EBAG9: variants seen among roughly 807,000 people sequenced by gnomAD.
The protein encoded by EBAG9 is estrogen receptor binding site associated antigen 9, also known as receptor-binding cancer antigen expressed on SiSo cells.
A neutral mutation model predicts 30.9 loss-of-function variants in EBAG9; 16 were observed. That is an observed-to-expected ratio of 0.52 (90% CI 0.35 to 0.79). The LOEUF (loss-of-function observed/expected upper bound fraction) is 0.79, where lower values mean the gene tolerates loss of function less well. EBAG9 is among the 30% of genes least tolerant of loss of function. The pLI is 0.01. For synonymous variants in EBAG9, 93 were observed against 82.8 expected, an observed-to-expected ratio of 1.12 and a Z score of -0.67; for missense variants, 197 against 242.1, an observed-to-expected ratio of 0.81 and a Z score of 1.24.
intron 6 of EBAG9, among the ~76,000 whole-genome samples, chr8:109,562,626 T>C (rs1164891393): frequency 6.6e-6 from 1 of 151,868 alleles, no homozygotes; most frequent in Non-Finnish European, 1.5e-5. Flanking sequence ...CCAGCATGAA[T>C]CTGGATAGGT....
chr8:109,552,026 A>T (rs545742152), intron 2 of EBAG9, among the ~76,000 whole-genome samples: 11 of 152,266 alleles, frequency 7.2e-5, no homozygotes, highest in African/African-American at 2.6e-4. Context: ...AGTTACTTAC[A>T]TACTAAGAGG....
intron 2 of EBAG9, among the ~76,000 whole-genome samples, chr8:109,552,664 C>G (rs1821517242): frequency 6.6e-6 from 1 of 152,022 alleles, no homozygotes; most frequent in African/African-American, 2.4e-5. Flanking sequence ...AAGGACATTC[C>G]TATTGGCACT....
chr8:109,549,348 GTTTTC>G (rs1254285652), intron 1 of EBAG9, among the ~76,000 whole-genome samples: 1 of 151,804 alleles, frequency 6.6e-6, no homozygotes, highest in African/African-American at 2.4e-5. Context: ...AATATTAATA[GTTTTC>G]TTTTCTAGTA....
upstream of EBAG9, chr8:109,539,750 A>T (rs1821230545): frequency 6.6e-6 from 1 of 152,268 alleles, no homozygotes; most frequent in African/African-American, 2.4e-5. Flanking sequence ...GAGGCAACGC[A>T]GGCTGCTACG....
At chr8:109,546,715 C>T (rs571932466) in intron 1 of EBAG9, among the ~76,000 whole-genome samples, 1 of 152,008 alleles carries the variant, frequency 6.6e-6, no homozygotes, top group Non-Finnish European at 1.5e-5. Context: ...CAGTGTGGCC[C>T]AGGGAAGCCA....
chr8:109,554,602 G>C lies in EBAG9; in HGVS notation c.163-127G>C, dbSNP rs1415994775. On this transcript the variant is annotated intron_variant, in intron 3 of 6. Coordinates refer to ENST00000337573, the MANE Select transcript of EBAG9 (RefSeq NM_004215.5). ...TTTTGATCTGTGATATGAAATGTAT[G>C]TTTTCCCGTGGGTTAAAAAAGTTTG... 3 of 822,440 alleles carry C rather than the reference G, an allele frequency of 3.6e-6. No homozygotes were observed. The Admixed American group carries it at 8.6e-5, about 24-fold the overall frequency. The allele number at this position is 822,440 out of a possible 1,614,324, so 50.9% of individuals were successfully genotyped here. A position where few individuals can be genotyped will look rare whatever the true frequency, so the allele number is the denominator to read the frequency against.
chr8:109,563,342 C>G, intron 6 of EBAG9: 1 of 1,576,798 alleles, frequency 6.3e-7, no homozygotes, highest in Non-Finnish European at 8.6e-7. Flanking sequence ...TGACCTGTAG[C>G]TTCCTTCCTC....
At chr8:109,545,599 G>A (rs150045196) in intron 1 of EBAG9, among the ~76,000 whole-genome samples, 2,203 of 152,014 alleles carry the variant, frequency 0.014, 59 homozygotes, top group African/African-American at 0.051. Context: ...TCCTGACCTC[G>A]TGATCTGCCC....
Position 109,560,172 on chromosome 8 carries a change from G to A in EBAG9, c.430-666G>A, listed in dbSNP as rs144856531. ...TGACCATTTTCATTGGTTATTGAAA[G>A]AAAACAGTGAACTTTTAGAGGTCTG... On this transcript the variant is annotated intron_variant, in intron 5 of 6. Transcript: ENST00000337573. 9.1e-3 allele frequency among the ~76,000 whole-genome samples: 1,390 copies of A among 152,252 alleles called. 13 individuals are homozygous for A. The highest frequency in any genetic ancestry group is 0.015 in the Non-Finnish European group (1,011 of 67,994).
Position 109,564,757 on chromosome 8 carries a change from TGA to T in EBAG9, c.*201_*202del. 1.8e-6 allele frequency: 1 copy of T among 543,126 alleles called. No homozygotes were observed. The highest frequency in any genetic ancestry group is 5.3e-4 in the Middle Eastern group (1 of 1,898). The allele number at this position is 543,126 out of a possible 1,614,324, so 33.6% of individuals were successfully genotyped here. ...GAGACTCAAAAAAACAAAAAAGACTTGAGACAATGTTTTCTTCAACATGCTCC... is the reference window on the plus strand; with the variant it reads ...GAGACTCAAAAAAACAAAAAAGACTTGACAATGTTTTCTTCAACATGCTCC... On this transcript the variant is annotated 3_prime_UTR_variant, in exon 7 of 7. Transcript: ENST00000337573.
At chr8:109,563,842 G>A (rs1303252443) in intron 6 of EBAG9, among the ~76,000 whole-genome samples, 1 of 152,010 alleles carries the variant, frequency 6.6e-6, no homozygotes, top group Non-Finnish European at 1.5e-5. Context: ...AGAACATGCA[G>A]TATTTGATTA....
At chr8:109,541,825 A>AT in intron 1 of EBAG9, among the ~76,000 whole-genome samples, 1 of 152,364 alleles carries the variant, frequency 6.6e-6, no homozygotes, top group Middle Eastern at 3.4e-3. Flanking sequence ...GAATAGGGAC[A>AT]TTAAGTAAAT....
intron 1 of EBAG9, among the ~76,000 whole-genome samples, chr8:109,546,595 A>G (rs1586686573): frequency 6.6e-6 from 1 of 152,200 alleles, no homozygotes. Context: ...CCCAATGCAA[A>G]TTAGTAAACT....
intron 1 of EBAG9, among the ~76,000 whole-genome samples, chr8:109,541,999 C>G (rs1821286602): frequency 1.3e-5 from 2 of 151,690 alleles, no homozygotes; most frequent in Admixed American, 1.3e-4. Context: ...ATGAGATGTT[C>G]TTGGCTTTTG....
chr8:109,542,300 A>C (rs1364419449), intron 1 of EBAG9, among the ~76,000 whole-genome samples: 3 of 152,188 alleles, frequency 2.0e-5, no homozygotes, highest in Admixed American at 2.0e-4. Flanking sequence ...GGAAAAAAAA[A>C]ACAACCTTTA....
At chr8:109,548,887 C>CTTTTTTTTTTTTTTTTTTTTTTTTT (rs548152043) in intron 1 of EBAG9, among the ~76,000 whole-genome samples, 3 of 125,120 alleles carry the variant, frequency 2.4e-5, no homozygotes, top group African/African-American at 6.0e-5. Context: ...TTTCTTTTTT[C>CTTTTTTTTTTTTTTTTTTTTTTTTT]TTTTTTTTTT....
At chr8:109,557,465 C>T (rs564558805) in intron 5 of EBAG9, among the ~76,000 whole-genome samples, 2 of 152,196 alleles carry the variant, frequency 1.3e-5, no homozygotes, top group African/African-American at 4.8e-5. Context: ...ATTTATGAAA[C>T]AAGTAGACAG....
intron 6 of EBAG9, among the ~76,000 whole-genome samples, chr8:109,561,890 C>CTT (rs397942472): frequency 0.016 from 1,857 of 118,450 alleles, 35 homozygotes; most frequent in Middle Eastern, 0.061. Context: ...ATATCAAGCC[C>CTT]TTTTTTTTTT....
intron 4 of EBAG9, among the ~76,000 whole-genome samples, chr8:109,556,293 C>A (rs143608403): frequency 3.1e-4 from 47 of 152,116 alleles, no homozygotes; most frequent in African/African-American, 9.9e-4. Context: ...TTTATATTTA[C>A]ATTGTCTAGG....
Sources: allele counts gnomAD v4.1 joint callset (sites outside exome capture counted in the v4.1 genomes callset), GRCh38; gene constraint gnomAD v4.1.1; transcripts MANE v1.5; gene names NCBI Gene and HGNC (gene_info 2026-07-23, HGNC 2026-07-21).